LPIN1: variants seen among roughly 807,000 people sequenced by gnomAD.
LPIN1 encodes the protein phosphatidate phosphatase LPIN1.
In LPIN1, 71 loss-of-function variants were observed where a neutral mutation model predicts 107.5. The observed-to-expected ratio is 0.66, with a 90% confidence interval of 0.55 to 0.80. LPIN1 has a LOEUF of 0.80. Among genes scored for constraint, LPIN1 ranks in the 30% least tolerant of loss-of-function variants. LPIN1 has a pLI of 0.00. For synonymous variants in LPIN1, 445 were observed against 452.6 expected (o/e 0.98, Z 0.21); for missense variants, 1,043 against 1,160.6 (o/e 0.90, Z 1.47).
intron 1 of LPIN1, among the ~76,000 whole-genome samples, chr2:11,689,082 A>G (rs973482301): frequency 1.3e-5 from 2 of 152,230 alleles, no homozygotes; most frequent in Non-Finnish European, 2.9e-5. Context: ...GGATAATTCG[A>G]AGTGCTTCGA....
chr2:11,724,599 T>C, intron 1 of LPIN1: 2 of 985,536 alleles, frequency 2.0e-6, no homozygotes, highest in Non-Finnish European at 2.4e-6. Context: ...GTCCTGACAA[T>C]GTGCCTTCTG....
intron 1 of LPIN1, chr2:11,764,103 T>TACACAC (rs1174224490): frequency 6.2e-4 from 75 of 121,840 alleles, no homozygotes; most frequent in African/African-American, 2.0e-3. Context: ...TATATATATA[T>TACACAC]ACACACACAC....
At chr2:11,776,262 G>A in intron 6 of LPIN1, 69 bp downstream of exon 6, 1 of 996,710 alleles carries the variant, frequency 1.0e-6, no homozygotes, top group Non-Finnish European at 1.5e-6. Flanking sequence ...CTTACTATAA[G>A]TCTATTTTAC....
intron 1 of LPIN1, among the ~76,000 whole-genome samples, chr2:11,694,905 G>A (rs1413036715): frequency 1.3e-5 from 2 of 152,128 alleles, no homozygotes; most frequent in Non-Finnish European, 2.9e-5. Context: ...GGTTCTCTAT[G>A]AACCCATTTT....
Position 11,713,973 on chromosome 2 carries a change from T to C in LPIN1, c.138+161T>C, listed in dbSNP as rs4668739. On this transcript the variant is annotated intron_variant, in intron 2 of 21. Coordinates refer to the LPIN1 transcript ENST00000449576. The stretch of plus-strand genomic sequence containing the variant: ...GCTTTCAGAGATTGCCCGCAGCACT[T>C]GCTGGATGCTTGATTAGCTCCCCAT... Among the ~76,000 whole-genome samples the C allele has an allele frequency of 0.4, 60,440 of 152,216 alleles. 14,191 individuals are homozygous for C. Among genetic ancestry groups the C allele is most frequent in the South Asian group, 0.55 (2,670 of 4,830 alleles).
chr2:11,754,976 A>AT lies in LPIN1; in HGVS notation c.-10+8322dup, dbSNP rs1216469676. ...CCTGCTGTCTTCTTCATTTCTTCTA[A>AT]TTTTTTTTTTTTTTTTTGAGACGGA... On this transcript the variant is annotated intron_variant, in intron 1 of 20. Transcript: ENST00000674199. Among the ~76,000 whole-genome samples, 311 of 138,938 alleles carry AT rather than the reference A, an allele frequency of 2.2e-3. 1 individual carries two copies. The highest frequency in any genetic ancestry group is 3.8e-3 in the Middle Eastern group (1 of 264). The allele number at this position is 138,938 out of a possible 152,430, so 91.1% of individuals were successfully genotyped here.
intron 1 of LPIN1, among the ~76,000 whole-genome samples, chr2:11,712,381 G>T (rs1256376179): frequency 6.6e-6 from 1 of 152,160 alleles, no homozygotes; most frequent in Admixed American, 6.5e-5. Flanking sequence ...CAGATGCTTG[G>T]CTGCCTCCTC....
intron 1 of LPIN1, among the ~76,000 whole-genome samples, chr2:11,679,495 T>C (rs773998014): frequency 6.6e-6 from 1 of 152,246 alleles, no homozygotes; most frequent in Non-Finnish European, 1.5e-5. Context: ...GGGGACTTTG[T>C]AAACAGAGGT....
At chr2:11,740,432 G>T (rs954932736) in intron 1 of LPIN1, among the ~76,000 whole-genome samples, 1 of 152,004 alleles carries the variant, frequency 6.6e-6, no homozygotes, top group Non-Finnish European at 1.5e-5. Flanking sequence ...TAACTTCCCC[G>T]CACTTTGCGA....
chr2:11,697,054 G>C lies in LPIN1; in HGVS notation c.82-16702G>C, dbSNP rs979304197. Among the ~76,000 whole-genome samples, 1 of 152,262 alleles carries C rather than the reference G, an allele frequency of 6.6e-6. No homozygotes were observed. The highest frequency in any genetic ancestry group is 2.4e-5 in the African/African-American group (1 of 41,476). On this transcript the variant is annotated intron_variant, in intron 1 of 21. Transcript: ENST00000449576. The surrounding 1 kb of genome is among the most constrained non-coding windows in gnomAD (Gnocchi z 4.6). ...TCTGGGTCCCCCACCTGTGGCCCAG[G>C]GAAGGCTCTTTGTTCCTCAGCCCCA...
At chr2:11,709,105 C>CTG (rs753724754) in intron 1 of LPIN1, among the ~76,000 whole-genome samples, 2 of 152,180 alleles carry the variant, frequency 1.3e-5, no homozygotes, top group Non-Finnish European at 2.9e-5. Context: ...GTGGTTATCT[C>CTG]ATCAGATTTG....
Position 11,765,861 on chromosome 2 carries a change from C to T in LPIN1, c.192+128C>T, listed in dbSNP as rs536629334. On this transcript the variant is annotated intron_variant, in intron 2 of 20. Coordinates refer to ENST00000674199, the MANE Select transcript of LPIN1 (RefSeq NM_001349206.2). The surrounding 1 kb of genome is among the most constrained non-coding windows in gnomAD (Gnocchi z 4.4). ...GGTCTTCGTTGGAAATGGCCAGTCACGGAACTGACAGTGACTAATTGAAAT... is the reference window on the plus strand; with the variant it reads ...GGTCTTCGTTGGAAATGGCCAGTCATGGAACTGACAGTGACTAATTGAAAT... The T allele has an allele frequency of 3.6e-5, 27 of 749,444 alleles. No individual in the cohort carries two copies. The highest frequency in any genetic ancestry group is 5.8e-5 in the Admixed American group (2 of 34,702). The allele number at this position is 749,444 out of a possible 1,614,324, so 46.4% of individuals were successfully genotyped here.
At chr2:11,700,424 C>T (rs1662808404) in intron 1 of LPIN1, among the ~76,000 whole-genome samples, 1 of 152,136 alleles carries the variant, frequency 6.6e-6, no homozygotes, top group South Asian at 2.1e-4. Context: ...CTCATCCTGA[C>T]CTCTGGTCCA....
chr2:11,745,728 A>G (rs1037657095), upstream of LPIN1, among the ~76,000 whole-genome samples: 64 of 152,240 alleles, frequency 4.2e-4, 2 homozygotes, highest in Non-Finnish European at 4.4e-5. Flanking sequence ...TTGGTTTGGA[A>G]TAACATTTAA....
chr2:11,797,707 C>T (rs1676975668), intron 14 of LPIN1, among the ~76,000 whole-genome samples: 1 of 152,212 alleles, frequency 6.6e-6, no homozygotes, highest in African/African-American at 2.4e-5. Flanking sequence ...GGAAGCAACT[C>T]ACTTGCTTTT....
chr2:11,728,066 G>T (rs963411282), intron 1 of LPIN1, among the ~76,000 whole-genome samples: 1 of 152,164 alleles, frequency 6.6e-6, no homozygotes, highest in East Asian at 1.9e-4. Context: ...CCTTTGTGTG[G>T]TTATGAGATT....
At chr2:11,695,100 CT>C (rs775451354) in intron 1 of LPIN1, among the ~76,000 whole-genome samples, 1 of 152,218 alleles carries the variant, frequency 6.6e-6, no homozygotes, top group Non-Finnish European at 1.5e-5. Context: ...CTATGATGTG[CT>C]GATGACTGTG....
chr2:11,791,971 T>C lies in LPIN1; in HGVS notation c.1771T>C (p.Phe591Leu), dbSNP rs1253218777. The part of the protein sequence containing the change: ...KMPKKGGRWW[F>L]SWRGRNTTIK... ...GCCCAAAAAGGGAGGAAGATGGTGG[T>C]TTTCATGGAGGGGAAGAAACACCAC... is the stretch of plus-strand genomic sequence containing the variant. Residue 591 changes from phenylalanine (F) to leucine (L), a missense_variant, in exon 13 of 21, where the codon TTT (phenylalanine) becomes CTT (leucine). Transcript: ENST00000674199. The C allele has an allele frequency of 6.2e-7, 1 of 1,613,956 alleles. No individual in the cohort carries two copies. Among genetic ancestry groups the C allele is most frequent in the Admixed American group, 1.7e-5 (1 of 60,010 alleles).
At chr2:11,745,636 G>A (rs1189971050), upstream of LPIN1, among the ~76,000 whole-genome samples, 1 of 152,262 alleles carries the variant, frequency 6.6e-6, no homozygotes, top group Non-Finnish European at 1.5e-5. Flanking sequence ...CCTGAGGCCA[G>A]AAGGTGAAGG....
Sources: gnomAD v4.1 joint callset for allele counts (sites outside exome capture counted in the v4.1 genomes callset) on GRCh38, gnomAD v4.1.1 for gene constraint, Gnocchi (gnomAD v3.1) non-coding constraint, MANE v1.5 for transcripts, NCBI Gene and HGNC (gene_info 2026-07-23, HGNC 2026-07-21) for gene names.